Variants in MTRR observed in about 807,000 individuals in gnomAD.
The protein encoded by MTRR is methionine synthase reductase.
In MTRR, 63 loss-of-function variants were observed where a neutral mutation model predicts 79.2. That is an observed-to-expected ratio of 0.80 (90% confidence interval 0.65 to 0.98). MTRR has a LOEUF of 0.98. MTRR is among the 50% of genes least tolerant of loss of function. The pLI, the probability that MTRR is intolerant of heterozygous loss-of-function variation, is 0.00. For synonymous variants in MTRR, 355 were observed against 313.3 expected, an observed-to-expected ratio of 1.13 and a Z score of -1.41; for missense variants, 895 against 839.6, an observed-to-expected ratio of 1.07 and a Z score of -0.82.
At chr5:7,863,022 GAGAA>G (rs766558124) in intron 2 of MTRR, 3 of 1,586,988 alleles carry the variant, frequency 1.9e-6, no homozygotes, top group Non-Finnish European at 2.6e-6. Flanking sequence ...GTGCAAATGT[GAGAA>G]AGAAAAATAA....
chr5:7,894,401 T>C (rs1036406009), intron 11 of MTRR, among the ~76,000 whole-genome samples: 2 of 152,242 alleles, frequency 1.3e-5, no homozygotes, highest in African/African-American at 4.8e-5. Context: ...GCACTAAGCC[T>C]GTGGGCGTGG....
intron 11 of MTRR, chr5:7,893,233 A>C (rs1253404921): frequency 5.7e-6 from 2 of 352,476 alleles, no homozygotes; most frequent in Non-Finnish European, 1.1e-5. Context: ...CTGTCTAGGA[A>C]GTATTTAAGG....
intron 9 of MTRR, 153 bp from the exon 10 acceptor site, chr5:7,891,219 C>G: frequency 1.7e-6 from 1 of 576,694 alleles, no homozygotes; most frequent in East Asian, 2.9e-5. Context: ...TTTACTTGAA[C>G]ACAAAGTTCA....
chr5:7,893,764 G>A (rs114204854), intron 11 of MTRR: 3 of 152,180 alleles, frequency 2.0e-5, no homozygotes, highest in Admixed American at 6.5e-5. Flanking sequence ...GACCTCAATA[G>A]TGGGGATTAG....
At chr5:7,886,789 C>G in intron 8 of MTRR, 86 bp downstream of exon 8, 1 of 1,053,350 alleles carries the variant, frequency 9.5e-7, no homozygotes. Context: ...AGAATATGCC[C>G]TTTGCAGTCT....
chr5:7,859,200 C>T (rs992079080), intron 1 of MTRR: 7 of 294,106 alleles, frequency 2.4e-5, no homozygotes, highest in African/African-American at 1.5e-4. Context: ...CTTTACAGCA[C>T]ATGATCAATT....
intron 5 of MTRR, among the ~76,000 whole-genome samples, chr5:7,881,084 C>T (rs1735502236): frequency 1.3e-5 from 2 of 152,150 alleles, no homozygotes; most frequent in African/African-American, 4.8e-5. Flanking sequence ...TTTATTGGAG[C>T]AGCGGCCTAC....
At chr5:7,861,202 T>C in intron 1 of MTRR, 1 of 1,612,728 alleles carries the variant, frequency 6.2e-7, no homozygotes, top group Non-Finnish European at 8.5e-7. Context: ...ATAGCTTCTT[T>C]CCCCAGTAAG....
chr5:7,877,795 A>G, intron 4 of MTRR, 149 bp from the exon 5 acceptor site: 1 of 1,043,760 alleles, frequency 9.6e-7, no homozygotes, highest in Non-Finnish European at 1.4e-6. Context: ...AAACTTAATC[A>G]TGAAGTATTT....
Position 7,901,101 on chromosome 5 carries a change from G to A in MTRR, c.*1043G>A, listed in dbSNP as rs146641095. 2 of 152,218 alleles carry A rather than the reference G, an allele frequency of 1.3e-5. No individual in the cohort carries two copies. The highest frequency in any genetic ancestry group is 4.8e-5 in the African/African-American group (2 of 41,554). 9.4% of individuals were successfully genotyped at this position (152,218 alleles called of 1,614,324 possible). ...TGATCCTTTTGAGAAATAAAGATCT[G>A]AAAGAAATGGCATAATCTTAAAACT... is the stretch of plus-strand genomic sequence containing the variant. On this transcript the variant is annotated 3_prime_UTR_variant, in exon 15 of 15. Coordinates refer to ENST00000440940, the MANE Select transcript of MTRR (RefSeq NM_002454.3).
In MTRR at chr5:7,889,286, G is replaced by C; in HGVS notation, c.1327+11G>C. On this transcript the variant is annotated intron_variant, in intron 9 of 14. Coordinates refer to ENST00000440940, the MANE Select transcript of MTRR (RefSeq NM_002454.3). ...TCAGTCTCCTGCTCGGTGAGTAGTCGCTTTCACAAGCACCTTGGTGGCTGT... is the reference window on the plus strand; with the variant it reads ...TCAGTCTCCTGCTCGGTGAGTAGTCCCTTTCACAAGCACCTTGGTGGCTGT... The C allele has an allele frequency of 6.2e-7, 1 of 1,612,192 alleles. No homozygotes were observed. The highest frequency in any genetic ancestry group is 1.1e-5 in the South Asian group (1 of 90,998).
chr5:7,867,452 C>A (rs564192876), upstream of MTRR: 66 of 1,614,202 alleles, frequency 4.1e-5, no homozygotes, highest in South Asian at 6.6e-4. Context: ...TTCCATGCCA[C>A]CTTTTCTGAG....
intron 9 of MTRR, 68 bp from the exon 10 acceptor site, chr5:7,891,304 T>G: frequency 1.2e-6 from 1 of 823,588 alleles, no homozygotes; most frequent in Non-Finnish European, 1.9e-6. Flanking sequence ...TTTTTTTTTT[T>G]TTTTTTTTAG....
intron 1 of MTRR, chr5:7,861,263 C>G (rs529021608): frequency 1.3e-6 from 2 of 1,491,958 alleles, no homozygotes; most frequent in South Asian, 2.9e-5. Flanking sequence ...ACAGTGCTAT[C>G]CTGAAAAATA....
At chr5:7,891,764 C>T (rs548466140) in intron 10 of MTRR, among the ~76,000 whole-genome samples, 13 of 152,188 alleles carry the variant, frequency 8.5e-5, no homozygotes, top group Admixed American at 1.3e-4. Flanking sequence ...TTGATGAGTC[C>T]GGGCGTGGTG....
Position 7,900,769 on chromosome 5 carries a change from C to T in MTRR, c.*711C>T, listed in dbSNP as rs1315573330. The T allele has an allele frequency of 1.3e-5, 2 of 152,604 alleles. No individual in the cohort carries two copies. Among genetic ancestry groups the T allele is most frequent in the Admixed American group, 6.5e-5 (1 of 15,276 alleles). 9.5% of individuals were successfully genotyped at this position (152,604 alleles called of 1,614,324 possible). On this transcript the variant is annotated 3_prime_UTR_variant, in exon 15 of 15. Coordinates refer to ENST00000440940, the MANE Select transcript of MTRR (RefSeq NM_002454.3). Reference sequence around the variant, plus strand: ...GACATTTGCATTCAATTTACAGGTACCAGTACGTACATATTTTAATAGAAA... The same window carrying T: ...GACATTTGCATTCAATTTACAGGTATCAGTACGTACATATTTTAATAGAAA...
At position 7,899,976 on chromosome 5, in the gene MTRR, T is replaced by A; in HGVS notation, c.2015T>A (p.Val672Asp). 2 of 1,613,926 alleles carry A rather than the reference T, an allele frequency of 1.2e-6. No individual in the cohort carries two copies. Among genetic ancestry groups the A allele is most frequent in the Non-Finnish European group, 1.7e-6 (2 of 1,179,982 alleles). ...DALVQIISKE[V>D]GVEKLEAMKT... Reference sequence around the variant, plus strand: ...CTTGTGCAAATAATAAGCAAAGAGGTTGGAGTTGAAAAACTAGAAGCAATG... The same window carrying A: ...CTTGTGCAAATAATAAGCAAAGAGGATGGAGTTGAAAAACTAGAAGCAATG... Residue 672 changes from valine (V) to aspartate (D), a missense_variant, in exon 15 of 15, where the codon GTT (valine) becomes GAT (aspartate). By Grantham distance (152) the Val-to-Asp change is radical. Coordinates refer to ENST00000440940, the MANE Select transcript of MTRR (RefSeq NM_002454.3).
chr5:7,853,449 T>A (rs556950581), intron 1 of MTRR, among the ~76,000 whole-genome samples: 1 of 152,282 alleles, frequency 6.6e-6, no homozygotes, highest in East Asian at 1.9e-4. Flanking sequence ...GAGAACAAAC[T>A]TATACAGATG....
chr5:7,900,054 C>A lies in MTRR; in HGVS notation c.2093C>A (p.Ser698Ter). Residue 698 changes from serine (S) to a stop codon, truncating the protein, a stop_gained, in exon 15 of 15, where the codon TCA becomes TAA. Coordinates refer to ENST00000440940, the MANE Select transcript of MTRR (RefSeq NM_002454.3). LOFTEE classifies it high-confidence loss of function. The stretch of plus-strand genomic sequence containing the variant: ...AAACGCTACCTTCAGGATATTTGGT[C>A]ATAAAACCAGAAATTAAAGAAAGAG... ...EEKRYLQDIW[S>*] is the part of the protein sequence containing the mutation. 6.2e-7 allele frequency: 1 copy of A among 1,613,076 alleles called. No individual in the cohort carries two copies. The highest frequency in any genetic ancestry group is 1.1e-5 in the South Asian group (1 of 90,606).
Sources: gnomAD v4.1 joint callset for allele counts (sites outside exome capture counted in the v4.1 genomes callset) on GRCh38, gnomAD v4.1.1 for gene constraint, MANE v1.5 for transcripts, NCBI Gene and HGNC (gene_info 2026-07-23, HGNC 2026-07-21) for gene names.